The following FAT3 variants were observed in gnomAD, a reference collection of about 807,000 sequenced individuals.
The protein encoded by FAT3 is protocadherin Fat 3.
In FAT3, 95 loss-of-function variants were observed where a neutral mutation model predicts 310.2. That is an observed-to-expected ratio of 0.31 (90% CI 0.26 to 0.36). The LOEUF (loss-of-function observed/expected upper bound fraction) is 0.36, where lower values mean the gene tolerates loss of function less well. Among genes scored for constraint, FAT3 ranks in the 10% least tolerant of loss-of-function variants. FAT3 has a pLI of 1.00. For synonymous variants in FAT3, 2,314 were observed against 2,192.9 expected (o/e 1.06, Z -1.54); for missense variants, 5,408 against 5,715.6 (o/e 0.95, Z 1.74).
chr11:92,661,721 T>C (rs1942789786), intron 3 of FAT3, among the ~76,000 whole-genome samples: 1 of 152,096 alleles, frequency 6.6e-6, no homozygotes, highest in South Asian at 2.1e-4. Context: ...TCTTTAGAAA[T>C]TGCAAAGAGG....
intron 2 of FAT3, among the ~76,000 whole-genome samples, chr11:92,414,733 G>C (rs374365765): frequency 1.3e-5 from 2 of 152,164 alleles, no homozygotes; most frequent in African/African-American, 4.8e-5. Context: ...AGAATAGGCC[G>C]GGCGTGGTGG....
At chr11:92,291,650 G>A (rs1331245299) in intron 1 of FAT3, among the ~76,000 whole-genome samples, 2 of 152,048 alleles carry the variant, frequency 1.3e-5, no homozygotes, top group Non-Finnish European at 2.9e-5. Flanking sequence ...GCTTTCCTAG[G>A]CCTGAGCCAC....
At chr11:92,605,037 T>C (rs746826213) in intron 3 of FAT3, among the ~76,000 whole-genome samples, 6 of 152,232 alleles carry the variant, frequency 3.9e-5, no homozygotes, top group Non-Finnish European at 7.3e-5. Context: ...TCTCAGTGTA[T>C]AAATCTAAAA....
At chr11:92,583,123 A>C (rs970237644) in intron 3 of FAT3, among the ~76,000 whole-genome samples, 1 of 152,086 alleles carries the variant, frequency 6.6e-6, no homozygotes, top group African/African-American at 2.4e-5. Flanking sequence ...AATAACATTA[A>C]ATTTAATTCA....
intron 13 of FAT3, among the ~76,000 whole-genome samples, chr11:92,811,300 A>C (rs1469634040): frequency 1.3e-5 from 2 of 152,224 alleles, no homozygotes; most frequent in Non-Finnish European, 2.9e-5. Flanking sequence ...AATGGAAATG[A>C]ATCACTTAAT....
intron 1 of FAT3, among the ~76,000 whole-genome samples, chr11:92,274,310 T>C (rs1163527146): frequency 6.6e-6 from 1 of 152,116 alleles, no homozygotes; most frequent in Non-Finnish European, 1.5e-5. Context: ...TAATACATAT[T>C]GTAAACCTTC....
At chr11:92,811,878 T>A (rs1947682400) in intron 13 of FAT3, among the ~76,000 whole-genome samples, 1 of 152,234 alleles carries the variant, frequency 6.6e-6, no homozygotes, top group African/African-American at 2.4e-5. Context: ...TTTTGTAGAT[T>A]TCTTTTAGCT....
At chr11:92,368,833 C>CATATATATATATATATACATATAT (rs778237959) in intron 2 of FAT3, among the ~76,000 whole-genome samples, 59 of 140,976 alleles carry the variant, frequency 4.2e-4, no homozygotes, top group African/African-American at 1.7e-3. Flanking sequence ...TGTGTGTATA[C>CATATATATATATATATACATATAT]ATATATATAT....
At chr11:92,656,916 C>T (rs12792399) in intron 3 of FAT3, among the ~76,000 whole-genome samples, 2,198 of 152,202 alleles carry the variant, frequency 0.014, 22 homozygotes, top group Middle Eastern at 0.024. Context: ...ACCACATCTT[C>T]CCACCCCCTA....
chr11:92,424,170 T>A (rs1950584794), intron 2 of FAT3, among the ~76,000 whole-genome samples: 1 of 152,158 alleles, frequency 6.6e-6, no homozygotes, highest in Non-Finnish European at 1.5e-5. Context: ...TTTGCTTTCA[T>A]TCATAGTAAT....
chr11:92,630,384 T>C (rs1263108746), intron 3 of FAT3, among the ~76,000 whole-genome samples: 1 of 152,232 alleles, frequency 6.6e-6, no homozygotes, highest in African/African-American at 2.4e-5. Context: ...TTCCTGTAGC[T>C]TAACTACCAC....
intron 2 of FAT3, among the ~76,000 whole-genome samples, chr11:92,503,597 C>T (rs1051854113): frequency 1.3e-5 from 2 of 151,990 alleles, no homozygotes; most frequent in African/African-American, 4.8e-5. Context: ...CTCATTGTGC[C>T]ACCTGACTCT....
chr11:92,250,098 G>A (rs1235025415), intron 1 of FAT3, among the ~76,000 whole-genome samples: 1 of 151,998 alleles, frequency 6.6e-6, no homozygotes, highest in East Asian at 1.9e-4. Flanking sequence ...AAGATTAATT[G>A]CTCTCTGCCC....
chr11:92,602,625 T>C (rs1940084746), intron 3 of FAT3, among the ~76,000 whole-genome samples: 1 of 152,206 alleles, frequency 6.6e-6, no homozygotes, highest in South Asian at 2.1e-4. Context: ...GGGATACAAA[T>C]GTGGCTGAAG....
intron 3 of FAT3, among the ~76,000 whole-genome samples, chr11:92,564,299 C>T (rs1591456276): frequency 2.0e-5 from 3 of 151,352 alleles, no homozygotes; most frequent in Admixed American, 1.3e-4. Context: ...AAGGCCATTA[C>T]ATAATGGTAA....
intron 4 of FAT3, among the ~76,000 whole-genome samples, chr11:92,724,979 A>G (rs1008082793): frequency 2.0e-5 from 3 of 152,220 alleles, no homozygotes; most frequent in African/African-American, 7.2e-5. Flanking sequence ...TCTCACAGCA[A>G]TAAGAAAAGT....
chr11:92,726,868 A>G (rs1433793442), intron 4 of FAT3, among the ~76,000 whole-genome samples: 1 of 151,986 alleles, frequency 6.6e-6, no homozygotes, highest in Non-Finnish European at 1.5e-5. Flanking sequence ...TGGAAAGGAA[A>G]TAAGCAATGG....
chr11:92,639,910 G>A (rs1673762749), intron 3 of FAT3, among the ~76,000 whole-genome samples: 1 of 152,118 alleles, frequency 6.6e-6, no homozygotes, highest in Non-Finnish European at 1.5e-5. Flanking sequence ...TGGTTCATGA[G>A]TTTGATGTCG....
At chr11:92,809,251 T>A (rs1183599001) in intron 12 of FAT3, among the ~76,000 whole-genome samples, 1 of 152,202 alleles carries the variant, frequency 6.6e-6, no homozygotes, top group Non-Finnish European at 1.5e-5. Context: ...CCCCAAGCAA[T>A]GTCAGGCCCT....
Sources: allele counts gnomAD v4.1 joint callset (sites outside exome capture counted in the v4.1 genomes callset), GRCh38; gene constraint gnomAD v4.1.1; transcripts MANE v1.5; gene names NCBI Gene and HGNC (gene_info 2026-07-23, HGNC 2026-07-21).